ACOXL: variants seen among roughly 807,000 people sequenced by gnomAD.
ACOXL encodes the protein acyl-CoA oxidase like.
In ACOXL, 70 loss-of-function variants were observed where a neutral mutation model predicts 71.9. The ratio of observed to expected loss-of-function variants is 0.97; its 90% CI spans 0.80 to 1.19. The LOEUF (loss-of-function observed/expected upper bound fraction) is 1.19. Ranked by LOEUF, ACOXL falls within the 50% of genes most tolerant of loss-of-function variation. The pLI, the probability that ACOXL is intolerant of heterozygous loss-of-function variation, is 0.00. For synonymous variants in ACOXL, 253 were observed against 281.6 expected, an observed-to-expected ratio of 0.90 and a Z score of 1.02; for missense variants, 703 against 736.3, an observed-to-expected ratio of 0.95 and a Z score of 0.52.
At chr2:111,037,974 A>G (rs775047356) in intron 15 of ACOXL, among the ~76,000 whole-genome samples, 2 of 152,196 alleles carry the variant, frequency 1.3e-5, no homozygotes, top group South Asian at 2.1e-4. Flanking sequence ...CCTCCGAACA[A>G]TGCTTCTTGT....
intron 12 of ACOXL, among the ~76,000 whole-genome samples, chr2:110,961,884 C>T (rs972433772): frequency 6.6e-6 from 1 of 152,168 alleles, no homozygotes; most frequent in African/African-American, 2.4e-5. Context: ...TTATTCACTA[C>T]CATGAGAGCA....
At chr2:110,849,871 G>A (rs748005486) in intron 10 of ACOXL, among the ~76,000 whole-genome samples, 10 of 152,226 alleles carry the variant, frequency 6.6e-5, no homozygotes, top group Non-Finnish European at 1.3e-4. Context: ...TAAAGCTGCA[G>A]TAATCAAGAG....
intron 15 of ACOXL, among the ~76,000 whole-genome samples, chr2:111,041,086 G>A (rs2065758750): frequency 6.6e-6 from 1 of 152,128 alleles, no homozygotes; most frequent in East Asian, 1.9e-4. Flanking sequence ...GGTGAGCTAT[G>A]AGGAAAAGCC....
Position 111,064,151 on chromosome 2 carries a change from A to T in ACOXL, c.1440+14863A>T, listed in dbSNP as rs9646932. Among the ~76,000 whole-genome samples, 1,192 of 152,306 alleles carry T rather than the reference A, an allele frequency of 7.8e-3. 5 individuals are homozygous for T. The highest frequency in any genetic ancestry group is 0.012 in the Non-Finnish European group (827 of 68,032). On this transcript the variant is annotated intron_variant, in intron 16 of 17. Coordinates refer to ENST00000439055, the MANE Select transcript of ACOXL (RefSeq NM_001142807.4). ...ACAAGTCCCTTATATAAAACTATGT[A>T]GTAGGCGGGGCACAGTGGCTCACGC... is the stretch of plus-strand genomic sequence containing the variant.
intron 16 of ACOXL, among the ~76,000 whole-genome samples, chr2:111,051,618 G>A (rs1469907873): frequency 6.6e-6 from 1 of 152,060 alleles, no homozygotes; most frequent in Non-Finnish European, 1.5e-5. Flanking sequence ...ACAGGTGTCT[G>A]CCACCATGCC....
intron 10 of ACOXL, among the ~76,000 whole-genome samples, chr2:110,850,735 G>A (rs1438951897): frequency 2.0e-5 from 3 of 152,090 alleles, no homozygotes; most frequent in South Asian, 2.1e-4. Context: ...GAAATGGTAC[G>A]GCCACTTTGG....
At chr2:110,808,398 C>T (rs886771098) in intron 9 of ACOXL, among the ~76,000 whole-genome samples, 4 of 152,234 alleles carry the variant, frequency 2.6e-5, no homozygotes, top group African/African-American at 7.2e-5. Flanking sequence ...TCTGGGTTCC[C>T]GGGTGACACT....
At chr2:111,092,757 G>T in intron 16 of ACOXL, 108 bp from the exon 17 acceptor site, 1 of 782,416 alleles carries the variant, frequency 1.3e-6, no homozygotes, top group Non-Finnish European at 2.1e-6. Context: ...TAACTTTTAC[G>T]ATTTTATGAA....
At chr2:110,900,102 C>T (rs910456720) in intron 10 of ACOXL, among the ~76,000 whole-genome samples, 102 of 78,018 alleles carry the variant, frequency 1.3e-3, no homozygotes, top group Non-Finnish European at 1.4e-3. Flanking sequence ...CACACACACA[C>T]ACACACACAC....
chr2:110,801,654 C>T lies in ACOXL; in HGVS notation c.550C>T (p.Leu184=). ...TTTCCCCTTTCTATTCTTGCCAGGT[C>T]TGCATGGTGTGGACAATGGGATATT... ...TAIDMMYKEG[L]HGVDNGILIF... is the part of the protein sequence containing the mutation. The change falls in exon 8 of 18, where the codon CTG becomes TTG. Residue 184 remains leucine, a splice_region_variant and synonymous_variant. Transcript: ENST00000439055. The T allele has an allele frequency of 6.2e-7, 1 of 1,613,906 alleles. No homozygotes were observed. Among genetic ancestry groups the T allele is most frequent in the South Asian group, 1.1e-5 (1 of 91,066 alleles).
intron 17 of ACOXL, among the ~76,000 whole-genome samples, chr2:111,111,319 G>A (rs2069939857): frequency 6.6e-6 from 1 of 151,670 alleles, no homozygotes; most frequent in Admixed American, 6.6e-5. Context: ...AGACTTGTCT[G>A]GAACTCCTGA....
In ACOXL at chr2:110,862,414, T is replaced by C. The variant is rs150859144; in HGVS notation, c.788+21009T>C. ...TTGGAAGCTGAGGCAGGAGGATCGCTTAAAGACAGGAGTTCAAGACCAGCC... is the reference window on the plus strand; with the variant it reads ...TTGGAAGCTGAGGCAGGAGGATCGCCTAAAGACAGGAGTTCAAGACCAGCC... On this transcript the variant is annotated intron_variant, in intron 10 of 17. Coordinates refer to ENST00000439055, the MANE Select transcript of ACOXL (RefSeq NM_001142807.4). Among the ~76,000 whole-genome samples the C allele has an allele frequency of 6.5e-3, 985 of 152,248 alleles. 8 individuals carry two copies. Among genetic ancestry groups the C allele is most frequent in the African/African-American group, 0.023 (957 of 41,550 alleles).
chr2:110,880,239 G>A (rs183224702), intron 10 of ACOXL, among the ~76,000 whole-genome samples: 3 of 151,632 alleles, frequency 2.0e-5, no homozygotes, highest in African/African-American at 7.3e-5. Context: ...CATAGACATA[G>A]AGTGAAGAGT....
At chr2:110,848,243 C>A (rs1197676796) in intron 10 of ACOXL, among the ~76,000 whole-genome samples, 1 of 152,032 alleles carries the variant, frequency 6.6e-6, no homozygotes, top group Non-Finnish European at 1.5e-5. Flanking sequence ...GCCCTTTTTT[C>A]CCCTTCCAGG....
intron 15 of ACOXL, among the ~76,000 whole-genome samples, chr2:111,039,108 A>C (rs1007108988): frequency 1.3e-5 from 2 of 152,252 alleles, no homozygotes; most frequent in Non-Finnish European, 2.9e-5. Flanking sequence ...GAGATCTTTA[A>C]GATACATGCT....
chr2:110,794,248 T>C (rs1359689689), intron 5 of ACOXL, 74 bp downstream of exon 5: 2 of 1,425,556 alleles, frequency 1.4e-6, no homozygotes, highest in African/African-American at 2.8e-5. Context: ...CTTCTTTCTG[T>C]GTCCAGCTTC....
chr2:110,984,615 CT>C (rs2062849402), intron 12 of ACOXL, among the ~76,000 whole-genome samples: 2 of 152,198 alleles, frequency 1.3e-5, no homozygotes, highest in Non-Finnish European at 2.9e-5. Context: ...ATTTATCTCC[CT>C]TGTCTTTCTT....
intron 16 of ACOXL, among the ~76,000 whole-genome samples, chr2:111,089,326 C>T (rs950027738): frequency 1.3e-5 from 2 of 150,982 alleles, no homozygotes; most frequent in African/African-American, 2.4e-5. Flanking sequence ...AACAAACAAA[C>T]AAATTTGGAA....
chr2:110,971,197 G>C (rs555185606), intron 12 of ACOXL, among the ~76,000 whole-genome samples: 35 of 152,230 alleles, frequency 2.3e-4, no homozygotes, highest in African/African-American at 8.4e-4. Context: ...ATATACCCAT[G>C]GCAAATAAGC....
Sources: gnomAD v4.1 joint callset for allele counts (sites outside exome capture counted in the v4.1 genomes callset) on GRCh38, gnomAD v4.1.1 for gene constraint, MANE v1.5 for transcripts, NCBI Gene and HGNC (gene_info 2026-07-23, HGNC 2026-07-21) for gene names.